REPS2: variants seen among roughly 807,000 people sequenced by gnomAD.
REPS2 encodes the protein RALBP1 associated Eps domain containing 2, also known as ralBP1-associated Eps domain-containing protein 2.
In REPS2, 23 loss-of-function variants were observed where a neutral mutation model predicts 53.6. The observed-to-expected ratio is 0.43, with a 90% CI of 0.31 to 0.61. The LOEUF (loss-of-function observed/expected upper bound fraction) is 0.61. REPS2 is among the 20% of genes least tolerant of loss of function. The probability of loss-of-function intolerance (pLI) is 0.11; values close to 1 mark genes in which losing one functional copy is unlikely to be tolerated. For synonymous variants in REPS2, 238 were observed against 218.6 expected, an observed-to-expected ratio of 1.09 and a Z score of -0.78; for missense variants, 446 against 534.9, an observed-to-expected ratio of 0.83 and a Z score of 1.64.
At chrX:17,118,307 T>C (rs1183868512) in intron 14 of REPS2, among the ~76,000 whole-genome samples, 1 of 111,085 alleles carries the variant, frequency 9.0e-6, no homozygotes, top group Non-Finnish European at 1.9e-5. Context: ...ATCCCTGTTA[T>C]TAGGAACTCT....
chrX:17,128,109 C>T (rs2063239906), intron 14 of REPS2, among the ~76,000 whole-genome samples: 1 of 105,726 alleles, frequency 9.5e-6, no homozygotes. Flanking sequence ...CCTGGGAGTA[C>T]GTTGCATAGT....
chrX:17,096,656 T>A, intron 13 of REPS2, among the ~76,000 whole-genome samples: 1 of 26,814 alleles, frequency 3.7e-5, no homozygotes, highest in Middle Eastern at 0.031. Flanking sequence ...CGAGACTCCG[T>A]CTCAAAAAAA....
Position 17,113,322 on chromosome X carries a change from A to G in REPS2, c.1578+9543A>G, listed in dbSNP as rs757048788. 1.3e-3 allele frequency among the ~76,000 whole-genome samples: 139 copies of G among 108,315 alleles called. 1 individual carries two copies. The highest frequency in any genetic ancestry group is 4.4e-3 in the African/African-American group (131 of 29,774). 94.1% of individuals were successfully genotyped at this position (108,315 alleles called of 115,157 possible). ...TTAAGCATGTGTTAACCTCTGGTCA[A>G]AATAAAGGGCTCTATTTTAAAGTGA... On this transcript the variant is annotated intron_variant, in intron 14 of 17. Transcript: ENST00000357277.
intron 2 of REPS2, among the ~76,000 whole-genome samples, chrX:17,007,252 C>G (rs2061372988): frequency 8.9e-6 from 1 of 112,085 alleles, no homozygotes; most frequent in Non-Finnish European, 1.9e-5. Context: ...CCATAGATGG[C>G]TGGCTGTGGA....
At chrX:16,968,928 A>G (rs2060831404) in intron 1 of REPS2, among the ~76,000 whole-genome samples, 1 of 107,288 alleles carries the variant, frequency 9.3e-6, no homozygotes. Flanking sequence ...CACTTCTCAG[A>G]CGGGGCGGCT....
At chrX:17,077,134 A>G (rs987766910) in intron 12 of REPS2, 137 bp from the exon 13 acceptor site, 6 of 621,264 alleles carry the variant, frequency 9.7e-6, no homozygotes, top group African/African-American at 6.8e-5. Context: ...TCAATGGGTA[A>G]TAGAATTTAT....
At chrX:16,950,105 T>A (rs992357084) in intron 1 of REPS2, among the ~76,000 whole-genome samples, 1 of 110,780 alleles carries the variant, frequency 9.0e-6, no homozygotes, top group Non-Finnish European at 1.9e-5. Flanking sequence ...TTTGCCTTTT[T>A]TAGAATGTCA....
chrX:16,974,272 A>G (rs1264781208), intron 1 of REPS2, among the ~76,000 whole-genome samples: 1 of 111,752 alleles, frequency 8.9e-6, no homozygotes, highest in Non-Finnish European at 1.9e-5. Context: ...GATCTGGAAC[A>G]GATCTTATAA....
intron 10 of REPS2, 120 bp from the exon 11 acceptor site, chrX:17,069,820 G>A: frequency 2.7e-6 from 1 of 375,808 alleles, no homozygotes; most frequent in East Asian, 4.8e-5. Context: ...ACCTGTTTTT[G>A]TAAGTGATGA....
At chrX:17,189,997 C>T in the REPS2 span, among the ~76,000 whole-genome samples, 2 of 111,922 alleles carry the variant, frequency 1.8e-5, no homozygotes, top group African/African-American at 6.5e-5. Flanking sequence ...CTATTTGTTA[C>T]CACAGCAAAA....
At chrX:16,953,133 AC>A (rs2060542717) in intron 1 of REPS2, among the ~76,000 whole-genome samples, 3 of 107,095 alleles carry the variant, frequency 2.8e-5, no homozygotes, top group African/African-American at 1.0e-4. Flanking sequence ...ACACACACAC[AC>A]ACACACACAC....
At chrX:16,948,794 G>A (rs2060472506) in intron 1 of REPS2, among the ~76,000 whole-genome samples, 1 of 111,963 alleles carries the variant, frequency 8.9e-6, no homozygotes, top group Admixed American at 9.5e-5. Flanking sequence ...TATTTTTGAT[G>A]TCCAGTTGAA....
At chrX:16,967,763 C>T (rs1214077649) in intron 1 of REPS2, among the ~76,000 whole-genome samples, 2 of 110,043 alleles carry the variant, frequency 1.8e-5, no homozygotes, top group African/African-American at 6.6e-5. Flanking sequence ...AAACGTTTCT[C>T]TTGTCATAAG....
At chrX:16,960,674 C>A (rs1271910916) in intron 1 of REPS2, among the ~76,000 whole-genome samples, 1 of 111,491 alleles carries the variant, frequency 9.0e-6, no homozygotes, top group East Asian at 2.8e-4. Context: ...TAAAAGGCAT[C>A]TAAATTGGGA....
chrX:17,096,044 A>G (rs1449929307), intron 13 of REPS2, among the ~76,000 whole-genome samples: 1 of 112,442 alleles, frequency 8.9e-6, no homozygotes, highest in East Asian at 2.8e-4. Context: ...ACTGCTGTCT[A>G]TACTCAAAAG....
Position 17,147,466 on chromosome X carries a change from G to T in REPS2, c.1968G>T (p.Pro656=). 8.3e-7 allele frequency: 1 copy of T among 1,203,172 alleles called. No individual in the cohort carries two copies. Among genetic ancestry groups the T allele is most frequent in the Non-Finnish European group, 1.1e-6 (1 of 889,419 alleles). The change falls in exon 18 of 18, where the codon CCG becomes CCT. Residue 656 remains proline (P), a synonymous_variant. Transcript: ENST00000357277. ...AAAACCAATTGGAACAACTTCGTCC[G>T]GTCACTGTGTTGTGACCCCCCCATG... is the stretch of plus-strand genomic sequence containing the variant. ...ALENQLEQLR[P]VTVL
At chrX:17,027,886 G>GA (rs1196156044) in intron 4 of REPS2, among the ~76,000 whole-genome samples, 1 of 110,770 alleles carries the variant, frequency 9.0e-6, no homozygotes, top group Non-Finnish European at 1.9e-5. Context: ...TTGATGGCCT[G>GA]AATATCAGCT....
chrX:17,031,156 G>A (rs1191996467), intron 5 of REPS2, among the ~76,000 whole-genome samples: 7 of 112,296 alleles, frequency 6.2e-5, no homozygotes, highest in African/African-American at 9.7e-5. Flanking sequence ...TGAGGTTTAC[G>A]TTAGAAAAGG....
At chrX:17,134,429 T>C (rs2063334425) in intron 15 of REPS2, among the ~76,000 whole-genome samples, 1 of 111,359 alleles carries the variant, frequency 9.0e-6, no homozygotes, top group Admixed American at 9.5e-5. Context: ...TCTCCCAGGC[T>C]CTTCTTTCAG....
Sources: gnomAD v4.1 joint callset for allele counts (sites outside exome capture counted in the v4.1 genomes callset) on GRCh38, gnomAD v4.1.1 for gene constraint, MANE v1.5 for transcripts, NCBI Gene and HGNC (gene_info 2026-07-23, HGNC 2026-07-21) for gene names.